The following PACRG variants were observed in gnomAD, a reference collection of about 807,000 sequenced individuals.
PACRG encodes parkin coregulated.
PACRG carries 29 observed loss-of-function variants against 29.7 expected under a neutral mutation model. That is an observed-to-expected ratio of 0.98 (90% CI 0.73 to 1.33). The LOEUF (loss-of-function observed/expected upper bound fraction) is 1.33. PACRG is among the 40% of genes most tolerant of loss of function. The probability of loss-of-function intolerance (pLI) is 0.00; values close to 1 mark genes in which losing one functional copy is unlikely to be tolerated. For missense variants in PACRG, 279 were observed against 316.2 expected (o/e 0.88, Z 0.89); for synonymous variants, 116 against 118.7 (o/e 0.98, Z 0.15).
At chr6:162,823,440 T>C (rs1324297084) in intron 2 of PACRG, among the ~76,000 whole-genome samples, 1 of 152,100 alleles carries the variant, frequency 6.6e-6, no homozygotes, top group African/African-American at 2.4e-5. Context: ...TGTTCTATTA[T>C]TTCTATCATT....
intron 2 of PACRG, among the ~76,000 whole-genome samples, chr6:162,956,812 C>T (rs185881571): frequency 6.6e-6 from 1 of 152,296 alleles, no homozygotes; most frequent in Non-Finnish European, 1.5e-5. Context: ...ACTACATCTG[C>T]AAACAAGCTC....
At chr6:162,758,140 G>T (rs1009489799) in intron 1 of PACRG, among the ~76,000 whole-genome samples, 1 of 152,134 alleles carries the variant, frequency 6.6e-6, no homozygotes, top group Non-Finnish European at 1.5e-5. Flanking sequence ...ATAGTGGCTT[G>T]GGTGTCCAAA....
chr6:163,143,246 A>T lies in PACRG; in HGVS notation c.613+53838A>T, dbSNP rs575638937. Among the ~76,000 whole-genome samples the T allele has an allele frequency of 1.6e-4, 24 of 152,236 alleles. No homozygotes were observed. In the East Asian group the frequency reaches 3.9e-3, roughly 24 times the overall value. On this transcript the variant is annotated intron_variant, in intron 4 of 4. Transcript: ENST00000366888. ...GTTTATAAAAAAATAAAAAGTTCAT[A>T]AAAAAATAAAAATAAAACACCTCAA... is the stretch of plus-strand genomic sequence containing the variant.
At chr6:163,142,904 G>T (rs1423085176) in intron 4 of PACRG, among the ~76,000 whole-genome samples, 1 of 152,148 alleles carries the variant, frequency 6.6e-6, no homozygotes, top group Non-Finnish European at 1.5e-5. Context: ...AAACTCTGAA[G>T]ATCATGAAAA....
chr6:163,297,271 G>A (rs891181090), intron 4 of PACRG, among the ~76,000 whole-genome samples: 2 of 152,208 alleles, frequency 1.3e-5, no homozygotes, highest in African/African-American at 4.8e-5. Flanking sequence ...TAAAGGGAAT[G>A]TCAGCACACC....
At chr6:162,746,992 A>G (rs867810154) in intron 1 of PACRG, among the ~76,000 whole-genome samples, 15 of 152,144 alleles carry the variant, frequency 9.9e-5, no homozygotes, top group Non-Finnish European at 1.8e-4. Context: ...TAGTAAAACC[A>G]AAGAAACCAG....
chr6:163,059,075 A>G (rs935728967), intron 2 of PACRG, among the ~76,000 whole-genome samples: 1 of 150,386 alleles, frequency 6.6e-6, no homozygotes, highest in Non-Finnish European at 1.5e-5. Context: ...GCAAAACTCC[A>G]TCTCAAAAAA....
chr6:163,094,506 A>T (rs1268913124), intron 4 of PACRG, among the ~76,000 whole-genome samples: 1 of 152,200 alleles, frequency 6.6e-6, no homozygotes, highest in African/African-American at 2.4e-5. Context: ...GAATCCTGGG[A>T]TTATAAAGTT....
intron 2 of PACRG, among the ~76,000 whole-genome samples, chr6:162,894,507 G>T (rs1228781800): frequency 6.6e-6 from 1 of 152,112 alleles, no homozygotes. Flanking sequence ...ACTGAGGGAT[G>T]AAAAAAGGCA....
At chr6:163,209,576 C>T (rs914380226) in intron 4 of PACRG, among the ~76,000 whole-genome samples, 2 of 152,170 alleles carry the variant, frequency 1.3e-5, no homozygotes, top group African/African-American at 2.4e-5. Context: ...CAAAATGAGA[C>T]AACTGCTACA....
At chr6:162,802,779 AAAAAAC>A (rs1315568334) in intron 1 of PACRG, among the ~76,000 whole-genome samples, 2 of 152,144 alleles carry the variant, frequency 1.3e-5, no homozygotes, top group Non-Finnish European at 2.9e-5. Flanking sequence ...CTTTATTATT[AAAAAAC>A]AAAAACAAAA....
Position 162,853,600 on chromosome 6 carries a change from A to G in PACRG, c.291+39319A>G, listed in dbSNP as rs1791110107. Among the ~76,000 whole-genome samples, 1 of 152,182 alleles carries G rather than the reference A, an allele frequency of 6.6e-6. No individual in the cohort carries two copies. The highest frequency in any genetic ancestry group is 1.5e-5 in the Non-Finnish European group (1 of 68,032). On this transcript the variant is annotated intron_variant, in intron 2 of 4. Coordinates refer to ENST00000366888, the MANE Select transcript of PACRG (RefSeq NM_001080379.2). The surrounding 1 kb of genome is among the most constrained non-coding windows in gnomAD (Gnocchi z 4.7). ...AACCAAATACCACATGTTCTCCCTT[A>G]TAAGTGGGAGCTAAATGATAAGAAC...
intron 1 of PACRG, among the ~76,000 whole-genome samples, chr6:162,750,004 TATTTAC>T (rs1781398122): frequency 6.6e-6 from 1 of 152,240 alleles, no homozygotes; most frequent in African/African-American, 2.4e-5. Context: ...CACTCATGTA[TATTTAC>T]ATTTGCATTC....
At chr6:162,996,550 T>C (rs944938628) in intron 2 of PACRG, among the ~76,000 whole-genome samples, 6 of 152,266 alleles carry the variant, frequency 3.9e-5, no homozygotes, top group African/African-American at 1.2e-4. Flanking sequence ...ACTAGGGGAA[T>C]GGCTAATTAA....
At chr6:162,794,833 G>A (rs1785240907) in intron 1 of PACRG, among the ~76,000 whole-genome samples, 1 of 152,114 alleles carries the variant, frequency 6.6e-6, no homozygotes, top group African/African-American at 2.4e-5. Context: ...TCCTCATGGA[G>A]CTTATAATTC....
rs116536478 is a variant in PACRG at position 163,116,765 on chromosome 6, C to A, written c.613+27357C>A. Among the ~76,000 whole-genome samples the A allele has an allele frequency of 3.4e-3, 525 of 152,260 alleles. 2 individuals are homozygous for A. Among genetic ancestry groups the A allele is most frequent in the African/African-American group, 0.012 (502 of 41,560 alleles). ...AGTTGGCACCTTAAAATCAGCAAGA[C>A]TGAAGAGTTCATTAAGTATGGGCTG... On this transcript the variant is annotated intron_variant, in intron 4 of 4. Transcript: ENST00000366888.
At chr6:162,871,933 A>AAAAAC (rs1211670491) in intron 2 of PACRG, among the ~76,000 whole-genome samples, 3 of 152,070 alleles carry the variant, frequency 2.0e-5, no homozygotes, top group Admixed American at 6.6e-5. Context: ...AAACAAAAAC[A>AAAAAC]AAAACAAAAC....
chr6:163,255,524 C>A (rs1783071761), intron 4 of PACRG, among the ~76,000 whole-genome samples: 2 of 152,218 alleles, frequency 1.3e-5, no homozygotes, highest in African/African-American at 4.8e-5. Context: ...GGTTGTCAGG[C>A]ACAGTCAGCA....
At position 162,884,798 on chromosome 6, in the gene PACRG, A is replaced by G. The variant is rs933248054; in HGVS notation, c.291+70517A>G. Reference sequence around the variant, plus strand: ...TTATGTGTATTTTCCCAGCTCCCCAATGATAAACCTAAAAACCTCTAAACC... The same window carrying G: ...TTATGTGTATTTTCCCAGCTCCCCAGTGATAAACCTAAAAACCTCTAAACC... On this transcript the variant is annotated intron_variant, in intron 2 of 4. Transcript: ENST00000366888. Among the ~76,000 whole-genome samples, 22 of 152,282 alleles carry G rather than the reference A, an allele frequency of 1.4e-4. 1 individual carries two copies. Among genetic ancestry groups the G allele is most frequent in the East Asian group, 5.8e-4 (3 of 5,184 alleles).
Sources: gnomAD v4.1 joint callset for allele counts (sites outside exome capture counted in the v4.1 genomes callset) on GRCh38, gnomAD v4.1.1 for gene constraint, Gnocchi (gnomAD v3.1) non-coding constraint, MANE v1.5 for transcripts, NCBI Gene and HGNC (gene_info 2026-07-23, HGNC 2026-07-21) for gene names.